FBXL13: variants seen among roughly 807,000 people sequenced by gnomAD.
FBXL13 encodes the protein F-box and leucine rich repeat protein 13.
A neutral mutation model predicts 83.6 loss-of-function variants in FBXL13; 67 were observed. That is an observed-to-expected ratio of 0.80 (90% CI 0.66 to 0.98). FBXL13 has a LOEUF of 0.98. FBXL13 is among the 50% of genes least tolerant of loss of function. The pLI is 0.00. For missense variants in FBXL13, 822 were observed against 866.5 expected (o/e 0.95, Z 0.64); for synonymous variants, 272 against 299.5 (o/e 0.91, Z 0.95).
intron 8 of FBXL13, 49 bp downstream of exon 9, chr7:102,963,484 A>G: frequency 6.3e-7 from 1 of 1,593,360 alleles, no homozygotes; most frequent in South Asian, 1.2e-5. Context: ...ATATTTGTTT[A>G]ATTGTAATAC....
At chr7:102,930,480 C>T (rs1297835523) in intron 9 of FBXL13, among the ~76,000 whole-genome samples, 3 of 152,222 alleles carry the variant, frequency 2.0e-5, no homozygotes, top group Non-Finnish European at 4.4e-5. Context: ...CTCTTCTCCA[C>T]TTCACAATTC....
chr7:102,936,279 A>G (rs1291434222), intron 8 of FBXL13: 4 of 152,244 alleles, frequency 2.6e-5, no homozygotes, highest in African/African-American at 7.2e-5. Context: ...GATGAGGAAA[A>G]TGAGGCTCAA....
chr7:103,060,957 G>T (rs1404999756), intron 1 of FBXL13, among the ~76,000 whole-genome samples: 1 of 152,142 alleles, frequency 6.6e-6, no homozygotes, highest in Non-Finnish European at 1.5e-5. Context: ...TGTTTTGGGA[G>T]ATATCTTAAT....
intron 2 of FBXL13, among the ~76,000 whole-genome samples, chr7:103,040,643 T>A (rs568592383): frequency 6.6e-6 from 1 of 152,226 alleles, no homozygotes; most frequent in Admixed American, 6.5e-5. Context: ...CACAGTGCAA[T>A]CAAATTAGTA....
chr7:102,911,129 T>C (rs1814595447), intron 11 of FBXL13, among the ~76,000 whole-genome samples: 1 of 152,212 alleles, frequency 6.6e-6, no homozygotes, highest in Non-Finnish European at 1.5e-5. Flanking sequence ...TGGGGAACAA[T>C]GGGTGGAGCC....
chr7:102,878,607 T>C (rs1214941645), intron 14 of FBXL13, among the ~76,000 whole-genome samples, 157 bp from the exon 16 acceptor site: 1 of 152,210 alleles, frequency 6.6e-6, no homozygotes. Context: ...AATTTGATTA[T>C]ATAGATTTTA....
chr7:102,972,483 T>G lies in FBXL13; in HGVS notation c.496-4366A>C, dbSNP rs143569205. 5.3e-5 allele frequency among the ~76,000 whole-genome samples: 8 copies of G among 152,114 alleles called. No individual in the cohort carries two copies. In the East Asian group the frequency reaches 1.5e-3, roughly 29 times the overall value. On this transcript the variant is annotated intron_variant, in intron 6 of 19. Coordinates refer to ENST00000313221, the Ensembl canonical transcript of FBXL13. ...AGAGTAACCAGTAAAATCATAGAAA[T>G]AGAATGTATATCATCTAAAACATGA...
chr7:102,924,795 C>T (rs949439739), intron 10 of FBXL13, among the ~76,000 whole-genome samples: 6 of 151,820 alleles, frequency 4.0e-5, no homozygotes, highest in Admixed American at 6.6e-5. Flanking sequence ...CACCCACCAC[C>T]GCACCCGGCT....
intron 9 of FBXL13, among the ~76,000 whole-genome samples, chr7:102,931,237 T>G (rs1212490810): frequency 1.3e-5 from 2 of 152,220 alleles, no homozygotes; most frequent in Non-Finnish European, 2.9e-5. Flanking sequence ...CTGTAGGCAC[T>G]GCAAATTAGT....
At chr7:103,072,761 TAG>T (rs1799093855) in intron 1 of FBXL13, among the ~76,000 whole-genome samples, 1 of 152,238 alleles carries the variant, frequency 6.6e-6, no homozygotes, top group African/African-American at 2.4e-5. Flanking sequence ...ACTCACCTCT[TAG>T]AGGAGTCTTC....
rs184709220 is a variant in FBXL13, at chr7:103,027,130, C to A, written c.327+319G>T. The stretch of plus-strand genomic sequence containing the variant: ...CCAACATGGTGAAACCCCATCTCTA[C>A]TAAAACTACAAAAAAATTAGCTGGG... On this transcript the variant is annotated intron_variant, in intron 5 of 19. Transcript: ENST00000313221. Among the ~76,000 whole-genome samples the A allele has an allele frequency of 4.4e-3, 669 of 152,112 alleles. 6 individuals are homozygous for A. Among genetic ancestry groups the A allele is most frequent in the African/African-American group, 0.015 (641 of 41,490 alleles).
intron 6 of FBXL13, among the ~76,000 whole-genome samples, chr7:103,022,975 A>G (rs1793382962): frequency 6.6e-6 from 1 of 152,190 alleles, no homozygotes; most frequent in African/African-American, 2.4e-5. Flanking sequence ...ACAAATTTAC[A>G]AGAAAAAAAC....
At chr7:102,870,984 T>C (rs1808444542) in intron 16 of FBXL13, among the ~76,000 whole-genome samples, 1 of 152,192 alleles carries the variant, frequency 6.6e-6, no homozygotes, top group Non-Finnish European at 1.5e-5. Context: ...TTAGACACTG[T>C]TGTTATTCCC....
intron 8 of FBXL13, among the ~76,000 whole-genome samples, chr7:102,961,194 GACAA>G (rs1346468372): frequency 1.3e-5 from 2 of 149,848 alleles, no homozygotes; most frequent in South Asian, 2.1e-4. Flanking sequence ...ACCAACAACA[GACAA>G]ACAGAGAGCC....
intron 6 of FBXL13, among the ~76,000 whole-genome samples, chr7:103,011,403 G>C (rs1364530249): frequency 6.6e-6 from 1 of 152,150 alleles, no homozygotes; most frequent in Admixed American, 6.5e-5. Flanking sequence ...AGGAGGCCGA[G>C]GTGGGTGGAT....
At chr7:103,068,069 G>A (rs577606275) in intron 1 of FBXL13, among the ~76,000 whole-genome samples, 4 of 152,270 alleles carry the variant, frequency 2.6e-5, no homozygotes, top group Admixed American at 2.6e-4. Flanking sequence ...AGGATAAAAT[G>A]GTTAAGAGTA....
chr7:102,860,439 A>G (rs181107429), intron 16 of FBXL13, among the ~76,000 whole-genome samples: 225 of 152,328 alleles, frequency 1.5e-3, no homozygotes, highest in African/African-American at 4.8e-3. Flanking sequence ...GGCCGAAGAA[A>G]TAGCATGGAC....
At chr7:102,844,767 T>C (rs1224386229) in intron 17 of FBXL13, among the ~76,000 whole-genome samples, 3 of 152,186 alleles carry the variant, frequency 2.0e-5, no homozygotes, top group Non-Finnish European at 4.4e-5. Flanking sequence ...CCAATCCCAG[T>C]AGATTTCAGA....
At chr7:102,992,612 T>G (rs1829695992) in intron 6 of FBXL13, among the ~76,000 whole-genome samples, 2 of 152,186 alleles carry the variant, frequency 1.3e-5, no homozygotes, top group Admixed American at 1.3e-4. Context: ...ACTTTTTCCC[T>G]TTTTGGGAGG....
Sources: gnomAD v4.1 joint callset for allele counts (sites outside exome capture counted in the v4.1 genomes callset) on GRCh38, gnomAD v4.1.1 for gene constraint, MANE v1.5 for transcripts, NCBI Gene and HGNC (gene_info 2026-07-23, HGNC 2026-07-21) for gene names.